The following C6orf62 variants were observed in gnomAD, a reference collection of about 807,000 sequenced individuals.
The protein encoded by C6orf62 is chromosome 6 open reading frame 62, also known as uncharacterized protein C6orf62.
A neutral mutation model predicts 26.8 loss-of-function variants in C6orf62; 16 were observed. The observed-to-expected ratio is 0.60, with a 90% CI of 0.40 to 0.91. The LOEUF (loss-of-function observed/expected upper bound fraction) is 0.91. C6orf62 is among the 40% of genes least tolerant of loss of function. The pLI, the probability that C6orf62 is intolerant of heterozygous loss-of-function variation, is 0.00. For synonymous variants in C6orf62, 112 were observed against 91.5 expected, an observed-to-expected ratio of 1.22 and a Z score of -1.28; for missense variants, 192 against 271.4, an observed-to-expected ratio of 0.71 and a Z score of 2.06.
At chr6:24,714,257 C>T in intron 3 of C6orf62, 61 bp downstream of exon 3, 1 of 1,317,648 alleles carries the variant, frequency 7.6e-7, no homozygotes, top group Non-Finnish European at 1.0e-6. Context: ...CAAGTTAGAC[C>T]CTATTATATT....
At chr6:24,710,009 A>C in intron 3 of C6orf62, 1 of 984,454 alleles carries the variant, frequency 1.0e-6, no homozygotes, top group Non-Finnish European at 1.2e-6. Flanking sequence ...CCGTAACATA[A>C]AATATGATAC....
chr6:24,719,688 T>C, upstream of C6orf62: 4 of 1,475,848 alleles, frequency 2.7e-6, no homozygotes, highest in Non-Finnish European at 9.0e-7. Flanking sequence ...GACTTCCCTG[T>C]GGATCTGCCC....
intron 3 of C6orf62, among the ~76,000 whole-genome samples, chr6:24,712,678 G>GA (rs1779144611): frequency 8.9e-6 from 1 of 112,800 alleles, no homozygotes; most frequent in Admixed American, 1.0e-4. Flanking sequence ...GCAACAGAGT[G>GA]AGACTCTGTC....
At chr6:24,720,031 C>CACA, upstream of C6orf62, 2 of 1,490,486 alleles carry the variant, frequency 1.3e-6, no homozygotes, top group Non-Finnish European at 1.8e-6. Context: ...ACCCTCCCCC[C>CACA]AAAAAATTAA....
chr6:24,709,768 A>G, intron 3 of C6orf62: 1 of 985,492 alleles, frequency 1.0e-6, no homozygotes, highest in Non-Finnish European at 1.2e-6. Flanking sequence ...TCTGTTGGGC[A>G]TGGTGAGACA....
At chr6:24,710,884 C>T (rs1240926200) in intron 3 of C6orf62, among the ~76,000 whole-genome samples, 1 of 152,006 alleles carries the variant, frequency 6.6e-6, no homozygotes, top group East Asian at 1.9e-4. Context: ...CCCAGCTACT[C>T]ATGAGGTTGA....
rs929810139 is a variant in C6orf62 at position 24,718,945 on chromosome 6, A to T, written c.-277T>A. On this transcript the variant is annotated 5_prime_UTR_variant, in exon 1 of 5. Transcript: ENST00000378119. ...AAGGGAGGAAAGAAAGGAAAGAAAG[A>T]GGAGAAAATAACTAACTTTCTGGAA... is the stretch of plus-strand genomic sequence containing the variant. 1.6e-6 allele frequency: 2 copies of T among 1,226,458 alleles called. No individual in the cohort carries two copies. Among genetic ancestry groups the T allele is most frequent in the Non-Finnish European group, 2.0e-6 (2 of 979,880 alleles). 76.0% of individuals were successfully genotyped at this position (1,226,458 alleles called of 1,614,324 possible).
upstream of C6orf62, chr6:24,719,713 G>A: frequency 3.3e-6 from 5 of 1,503,998 alleles, no homozygotes; most frequent in Non-Finnish European, 4.4e-6. Flanking sequence ...TCAAAATGGT[G>A]GGGAGTGCGA....
At chr6:24,716,515 T>TGTA (rs940334784) in intron 1 of C6orf62, among the ~76,000 whole-genome samples, 191 bp from the exon 2 acceptor site, 8 of 152,148 alleles carry the variant, frequency 5.3e-5, no homozygotes, top group African/African-American at 1.9e-4. Context: ...CAACCATACA[T>TGTA]GTACAAACTG....
upstream of C6orf62, chr6:24,720,474 G>A (rs1015875171): frequency 1.5e-4 from 134 of 884,882 alleles, no homozygotes; most frequent in Non-Finnish European, 1.7e-4. Flanking sequence ...CAACGGAGGG[G>A]AAGGACGCGG....
At chr6:24,720,283 A>G (rs1333701066), upstream of C6orf62, 4 of 1,294,114 alleles carry the variant, frequency 3.1e-6, no homozygotes, top group Non-Finnish European at 3.9e-6. Context: ...CGGCGGCGGA[A>G]GAGGCGGCGG....
At chr6:24,714,200 G>T in intron 3 of C6orf62, 118 bp downstream of exon 3, 1 of 726,004 alleles carries the variant, frequency 1.4e-6, no homozygotes, top group Non-Finnish European at 2.2e-6. Flanking sequence ...AAATAGGGGA[G>T]ACTCGTGAAA....
chr6:24,720,304 GC>G, upstream of C6orf62: 1 of 1,311,234 alleles, frequency 7.6e-7, no homozygotes, highest in Non-Finnish European at 9.6e-7. Context: ...CGGCGGGGGC[GC>G]TGCTGGTAGC....
At chr6:24,706,362 C>CAG in intron 4 of C6orf62, 100 bp from the exon 5 acceptor site, 1 of 1,493,838 alleles carries the variant, frequency 6.7e-7, no homozygotes, top group Non-Finnish European at 9.0e-7. Flanking sequence ...TCTTAACATA[C>CAG]AGAGTAAGGG....
chr6:24,715,730 C>G (rs912647379), intron 2 of C6orf62, among the ~76,000 whole-genome samples: 6 of 151,788 alleles, frequency 4.0e-5, no homozygotes, highest in Non-Finnish European at 5.9e-5. Context: ...CAACTGTAGT[C>G]CCAGCTACTC....
At chr6:24,707,601 T>A (rs1260358581) in intron 4 of C6orf62, among the ~76,000 whole-genome samples, 1 of 152,056 alleles carries the variant, frequency 6.6e-6, no homozygotes, top group Non-Finnish European at 1.5e-5. Context: ...TCCTCCCCCA[T>A]CGGCTTCCCA....
chr6:24,713,164 C>T (rs1465860584), intron 3 of C6orf62, among the ~76,000 whole-genome samples: 1 of 152,186 alleles, frequency 6.6e-6, no homozygotes. Flanking sequence ...TTTACAATGA[C>T]TTCACCTGGA....
intron 2 of C6orf62, among the ~76,000 whole-genome samples, chr6:24,715,803 C>G (rs1449069858): frequency 1.5e-5 from 2 of 135,710 alleles, no homozygotes; most frequent in Non-Finnish European, 3.1e-5. Context: ...GAGCCAAGAT[C>G]ATGCCACTGC....
chr6:24,718,563 T>C lies in C6orf62; in HGVS notation c.106A>G (p.Ile36Val), dbSNP rs1779285565. The C allele has an allele frequency of 1.9e-6, 3 of 1,612,506 alleles. No homozygotes were observed. Among genetic ancestry groups the C allele is most frequent in the Non-Finnish European group, 2.5e-6 (3 of 1,178,758 alleles). ...LADQFDFKMY[I>V]AFVFKEKKKK... ...ACCTTCTCCTTGAATACAAAGGCAA[T>C]ATACATCTTGAAGTCAAACTGGTCA... The change falls in exon 1 of 5, where the codon ATT becomes GTT. Residue 36 changes from isoleucine (I) to valine (V), a missense_variant. Transcript: ENST00000378119.
Sources: gnomAD v4.1 joint callset for allele counts (sites outside exome capture counted in the v4.1 genomes callset) on GRCh38, gnomAD v4.1.1 for gene constraint, MANE v1.5 for transcripts, NCBI Gene and HGNC (gene_info 2026-07-23, HGNC 2026-07-21) for gene names.